DOCK4: variants seen among roughly 807,000 people sequenced by gnomAD.
DOCK4 encodes the protein dedicator of cytokinesis 4, also known as dedicator of cytokinesis protein 4.
Under a neutral mutation model 268.1 loss-of-function variants are expected in DOCK4, and 97 were observed. That is an observed-to-expected ratio of 0.36 (90% CI 0.31 to 0.43). The LOEUF is 0.43. DOCK4 is among the 20% of genes least tolerant of loss of function. The probability of loss-of-function intolerance (pLI) is 1.00; values close to 1 mark genes in which losing one functional copy is unlikely to be tolerated. For missense variants in DOCK4, 2,145 were observed against 2,455.7 expected (o/e 0.87, Z 2.67); for synonymous variants, 954 against 887.2 (o/e 1.08, Z -1.34).
At chr7:111,798,211 T>G (rs1800034965) in intron 30 of DOCK4, among the ~76,000 whole-genome samples, 1 of 152,200 alleles carries the variant, frequency 6.6e-6, no homozygotes, top group Admixed American at 6.5e-5. Flanking sequence ...GAGACAGAAC[T>G]GCCCCCAGAG....
At chr7:112,201,660 G>T (rs188891549) in intron 1 of DOCK4, among the ~76,000 whole-genome samples, 24 of 152,024 alleles carry the variant, frequency 1.6e-4, no homozygotes, top group Non-Finnish European at 2.5e-4. Context: ...GGGTGGGGAG[G>T]GGGGAGGAAT....
At chr7:111,768,460 C>T (rs963611301) in intron 37 of DOCK4, among the ~76,000 whole-genome samples, 1 of 152,194 alleles carries the variant, frequency 6.6e-6, no homozygotes, top group African/African-American at 2.4e-5. Context: ...AAAAGAATTA[C>T]AGCCATTGGT....
intron 27 of DOCK4, among the ~76,000 whole-genome samples, chr7:111,814,676 C>T (rs1011566214): frequency 3.3e-5 from 5 of 152,156 alleles, no homozygotes; most frequent in Admixed American, 6.5e-5. Flanking sequence ...GAAATATTCC[C>T]ACAAATTCTG....
intron 30 of DOCK4, among the ~76,000 whole-genome samples, chr7:111,798,565 C>CA (rs1378988646): frequency 2.0e-5 from 3 of 152,082 alleles, no homozygotes; most frequent in East Asian, 1.9e-4. Context: ...CTCTACTAGG[C>CA]AAAAAAAGCC....
chr7:112,068,379 G>A (rs1459896527), intron 1 of DOCK4, among the ~76,000 whole-genome samples: 1 of 152,172 alleles, frequency 6.6e-6, no homozygotes, highest in Non-Finnish European at 1.5e-5. Flanking sequence ...ATAGTACTAT[G>A]ATTAAGAGCA....
chr7:111,911,704 A>C (rs956388478), intron 13 of DOCK4, among the ~76,000 whole-genome samples: 1 of 152,234 alleles, frequency 6.6e-6, no homozygotes, highest in Non-Finnish European at 1.5e-5. Flanking sequence ...TTAATCAGCC[A>C]GTGAAGTGTC....
chr7:111,946,153 G>C (rs186729576), intron 8 of DOCK4, among the ~76,000 whole-genome samples: 4 of 152,258 alleles, frequency 2.6e-5, no homozygotes, highest in Admixed American at 2.6e-4. Flanking sequence ...CTGTAACTAA[G>C]ATTTCTTTTT....
chr7:111,907,097 C>A (rs1778308950), intron 13 of DOCK4, among the ~76,000 whole-genome samples: 1 of 152,144 alleles, frequency 6.6e-6, no homozygotes, highest in Non-Finnish European at 1.5e-5. Context: ...TGAAACAGAG[C>A]ACAGACAGGG....
intron 20 of DOCK4, 123 bp from the exon 21 acceptor site, chr7:111,869,778 C>A (rs1290663876): frequency 2.7e-6 from 2 of 738,806 alleles, no homozygotes; most frequent in Non-Finnish European, 4.6e-6. Flanking sequence ...TCACATTTTC[C>A]TGTCAATCTG....
At chr7:111,755,682 GTT>G in intron 41 of DOCK4, 81 bp from the exon 42 acceptor site, 1 of 1,286,152 alleles carries the variant, frequency 7.8e-7, no homozygotes, top group Non-Finnish European at 1.1e-6. Flanking sequence ...GTCGGTCACT[GTT>G]ACCAGGCTTT....
At chr7:111,934,548 T>A (rs1365512892) in intron 12 of DOCK4, among the ~76,000 whole-genome samples, 2 of 143,120 alleles carry the variant, frequency 1.4e-5, no homozygotes, top group African/African-American at 2.7e-5. Flanking sequence ...TTTTTTTTTT[T>A]AGACAGTGTC....
chr7:112,080,645 C>T (rs1001797278), intron 1 of DOCK4, among the ~76,000 whole-genome samples: 3 of 152,184 alleles, frequency 2.0e-5, no homozygotes, highest in Admixed American at 2.0e-4. Context: ...TCCCATTTGG[C>T]TAAAGGCAGA....
intron 26 of DOCK4, among the ~76,000 whole-genome samples, chr7:111,830,076 T>C (rs1050096166): frequency 1.3e-5 from 2 of 152,178 alleles, no homozygotes; most frequent in African/African-American, 4.8e-5. Flanking sequence ...TTCAGGAACA[T>C]AACTAGAAAT....
At chr7:112,001,479 T>C (rs1800419281) in intron 2 of DOCK4, among the ~76,000 whole-genome samples, 1 of 152,166 alleles carries the variant, frequency 6.6e-6, no homozygotes, top group Non-Finnish European at 1.5e-5. Context: ...AAAGTCCTTG[T>C]GTTCAAGTCA....
chr7:112,003,949 A>G, intron 2 of DOCK4, 99 bp downstream of exon 2: 1 of 815,878 alleles, frequency 1.2e-6, no homozygotes. Flanking sequence ...ACTTGTGGTG[A>G]CTACTGGAAA....
chr7:111,746,402 C>A lies in DOCK4; in HGVS notation c.4609G>T (p.Glu1537Ter). 6.2e-7 allele frequency: 1 copy of A among 1,610,812 alleles called. No individual in the cohort carries two copies. The highest frequency in any genetic ancestry group is 8.5e-7 in the Non-Finnish European group (1 of 1,178,240). The change falls in exon 44 of 53, where the codon GAA becomes TAA. Residue 1537 changes from glutamate to a stop codon, truncating the protein, a stop_gained. Transcript: ENST00000428084. LOFTEE classifies it high-confidence loss of function. ...TCTTCAGGGTGACTTAAGATATATT[C>A]TTTGACAAAGAATGCCTAGTAAGGG... Reference protein sequence around the residue: ...SRYQEAFFVKEYILSHPEDGE... With the variant: ...SRYQEAFFVK
chr7:112,180,246 C>T (rs780177948), intron 1 of DOCK4, among the ~76,000 whole-genome samples: 7 of 151,856 alleles, frequency 4.6e-5, no homozygotes, highest in Non-Finnish European at 1.0e-4. Flanking sequence ...CAGAAACCCC[C>T]GGCAGATGCA....
At chr7:111,823,027 T>G (rs1802111705) in intron 26 of DOCK4, among the ~76,000 whole-genome samples, 1 of 152,148 alleles carries the variant, frequency 6.6e-6, no homozygotes, top group Admixed American at 6.5e-5. Context: ...TACATTCAAA[T>G]GAGGATATGT....
At chr7:112,003,691 G>A (rs1490364959) in intron 2 of DOCK4, among the ~76,000 whole-genome samples, 1 of 152,176 alleles carries the variant, frequency 6.6e-6, no homozygotes, top group African/African-American at 2.4e-5. Context: ...CCTCAGGTAA[G>A]CCATGTCTGC....
Sources: gnomAD v4.1 joint callset for allele counts (sites outside exome capture counted in the v4.1 genomes callset) on GRCh38, gnomAD v4.1.1 for gene constraint, MANE v1.5 for transcripts, NCBI Gene and HGNC (gene_info 2026-07-23, HGNC 2026-07-21) for gene names.